Variants in PTPRD observed in about 807,000 individuals in gnomAD.
PTPRD encodes the protein receptor-type tyrosine-protein phosphatase delta.
PTPRD carries 34 observed loss-of-function variants against 214.5 expected under a neutral mutation model. That is an observed-to-expected ratio of 0.16 (90% CI 0.12 to 0.21). The LOEUF (loss-of-function observed/expected upper bound fraction) is 0.21, where lower values mean the gene tolerates loss of function less well. Among genes scored for constraint, PTPRD ranks in the 10% least tolerant of loss-of-function variants. The pLI, the probability that PTPRD is intolerant of heterozygous loss-of-function variation, is 1.00. For synonymous variants in PTPRD, 1,128 were observed against 845.7 expected (o/e 1.33, Z -5.79); for missense variants, 2,545 against 2,398.7 (o/e 1.06, Z -1.27).
chr9:8,407,590 A>T (rs938879166), intron 35 of PTPRD, among the ~76,000 whole-genome samples: 15 of 152,328 alleles, frequency 9.8e-5, no homozygotes, highest in African/African-American at 3.4e-4. Context: ...ACACCTACAC[A>T]TCACTATCCT....
intron 12 of PTPRD, among the ~76,000 whole-genome samples, chr9:8,637,293 G>C (rs2096465025): frequency 6.6e-6 from 1 of 152,140 alleles, no homozygotes; most frequent in Non-Finnish European, 1.5e-5. Context: ...ACATTTAAGA[G>C]AAATGCTAGG....
chr9:9,069,211 T>C (rs1355795435), intron 10 of PTPRD, among the ~76,000 whole-genome samples: 9 of 152,224 alleles, frequency 5.9e-5, no homozygotes, highest in African/African-American at 2.2e-4. Flanking sequence ...TTAAATACCA[T>C]TGCTAAATGA....
chr9:10,401,708 A>C (rs1386923491), intron 2 of PTPRD, among the ~76,000 whole-genome samples: 1 of 150,160 alleles, frequency 6.7e-6, no homozygotes, highest in Admixed American at 6.7e-5. Context: ...GCATTCAGAT[A>C]TAAAAAATAA....
chr9:10,521,613 A>G (rs1010052290), intron 2 of PTPRD, among the ~76,000 whole-genome samples: 1 of 152,160 alleles, frequency 6.6e-6, no homozygotes, highest in African/African-American at 2.4e-5. Flanking sequence ...GAGACAATCA[A>G]TGCAACAAAA....
chr9:9,768,127 T>G (rs982235534), intron 5 of PTPRD, among the ~76,000 whole-genome samples: 1 of 152,142 alleles, frequency 6.6e-6, no homozygotes, highest in African/African-American at 2.4e-5. Context: ...ACTTCTTTAT[T>G]TGATGGCCAA....
chr9:9,730,420 G>C (rs1390320861), intron 7 of PTPRD, among the ~76,000 whole-genome samples: 3 of 152,042 alleles, frequency 2.0e-5, no homozygotes, highest in Non-Finnish European at 2.9e-5. Context: ...ACTTATTAAT[G>C]ACATGGTTTT....
intron 5 of PTPRD, among the ~76,000 whole-genome samples, chr9:9,908,628 G>A (rs960527098): frequency 6.6e-6 from 1 of 151,970 alleles, no homozygotes; most frequent in African/African-American, 2.4e-5. Flanking sequence ...AGTTGTCTAT[G>A]CAGTCTTTAA....
chr9:9,422,930 G>C (rs16929356), intron 8 of PTPRD, among the ~76,000 whole-genome samples: 9,382 of 152,182 alleles, frequency 0.062, 344 homozygotes, highest in Middle Eastern at 0.17. Flanking sequence ...AATTAGATTT[G>C]AGAGCCCATA....
At chr9:9,233,421 G>C (rs994320202) in intron 9 of PTPRD, among the ~76,000 whole-genome samples, 1 of 152,134 alleles carries the variant, frequency 6.6e-6, no homozygotes, top group Admixed American at 6.5e-5. Context: ...TTTGGGTGGT[G>C]ACACCGAGCC....
At chr9:10,219,023 G>T (rs1044878642) in intron 3 of PTPRD, among the ~76,000 whole-genome samples, 2 of 151,612 alleles carry the variant, frequency 1.3e-5, no homozygotes, top group African/African-American at 4.8e-5. Context: ...AAAACAAACC[G>T]AGGCACCACT....
intron 9 of PTPRD, among the ~76,000 whole-genome samples, chr9:9,287,538 G>A (rs1359020418): frequency 6.6e-6 from 1 of 151,802 alleles, no homozygotes; most frequent in Non-Finnish European, 1.5e-5. Context: ...ATTTACGGCA[G>A]AATTATGTTT....
chr9:9,066,619 G>A (rs1316265894), intron 10 of PTPRD, among the ~76,000 whole-genome samples: 1 of 152,116 alleles, frequency 6.6e-6, no homozygotes. Context: ...ATTATTCTGG[G>A]TTCTTGAGTG....
chr9:10,154,212 A>C (rs530008815), intron 3 of PTPRD, among the ~76,000 whole-genome samples: 43 of 152,100 alleles, frequency 2.8e-4, no homozygotes, highest in Admixed American at 3.3e-4. Context: ...TTTGCATTTC[A>C]CTAATAATCA....
intron 3 of PTPRD, among the ~76,000 whole-genome samples, chr9:10,093,428 C>T (rs1206512630): frequency 6.6e-6 from 1 of 151,176 alleles, no homozygotes; most frequent in Non-Finnish European, 1.5e-5. Context: ...AATGGCGATT[C>T]CTAAAAAGTC....
At chr9:10,344,011 G>C (rs1193728694) in intron 2 of PTPRD, among the ~76,000 whole-genome samples, 2 of 48,738 alleles carry the variant, frequency 4.1e-5, no homozygotes, top group African/African-American at 8.7e-5. Context: ...TTTTTTTGCT[G>C]TGCAGAAGCT....
intron 9 of PTPRD, among the ~76,000 whole-genome samples, chr9:9,208,629 C>G (rs1270403005): frequency 6.6e-6 from 1 of 151,730 alleles, no homozygotes; most frequent in Non-Finnish European, 1.5e-5. Context: ...TTTTTCCTAT[C>G]TGTCTTAAGT....
chr9:8,919,899 T>C lies in PTPRD; in HGVS notation c.-104+98798A>G, dbSNP rs561123776. ...TGTATCATGCATACATAGATGTACA[T>C]GCATGTATGCATAAGTGGATGCATG... On this transcript the variant is annotated intron_variant, in intron 11 of 45. Transcript: ENST00000381196. Among the ~76,000 whole-genome samples the C allele has an allele frequency of 2.8e-4, 43 of 152,054 alleles. 1 individual carries two copies. The South Asian group carries it at 8.7e-3, about 31-fold the overall frequency.
chr9:9,914,032 A>G (rs117172373), intron 5 of PTPRD, among the ~76,000 whole-genome samples: 2,496 of 152,300 alleles, frequency 0.016, 38 homozygotes, highest in Middle Eastern at 0.065. Context: ...CTGGTCCTGT[A>G]CAGTACAGAA....
intron 5 of PTPRD, among the ~76,000 whole-genome samples, chr9:9,822,447 C>T (rs2051111333): frequency 6.8e-6 from 1 of 147,240 alleles, no homozygotes; most frequent in African/African-American, 2.5e-5. Context: ...ATAATATATA[C>T]ATAATATACA....
Sources: allele counts gnomAD v4.1 joint callset (sites outside exome capture counted in the v4.1 genomes callset), GRCh38; gene constraint gnomAD v4.1.1; transcripts MANE v1.5; gene names NCBI Gene and HGNC (gene_info 2026-07-23, HGNC 2026-07-21).